Variants in LTBP2 observed in about 807,000 individuals in gnomAD.
The protein encoded by LTBP2 is latent-transforming growth factor beta-binding protein 2.
LTBP2 carries 103 observed loss-of-function variants against 210.6 expected under a neutral mutation model. The ratio of observed to expected loss-of-function variants is 0.49; its 90% CI spans 0.42 to 0.58. The LOEUF is 0.58. Ranked by LOEUF, LTBP2 falls within the 20% of genes least tolerant of loss-of-function variation. The probability of loss-of-function intolerance (pLI) is 0.00; values close to 1 mark genes in which losing one functional copy is unlikely to be tolerated. For synonymous variants in LTBP2, 1,007 were observed against 1,015.0 expected, an observed-to-expected ratio of 0.99 and a Z score of 0.15; for missense variants, 2,313 against 2,494.5, an observed-to-expected ratio of 0.93 and a Z score of 1.55.
intron 8 of LTBP2, among the ~76,000 whole-genome samples, chr14:74,542,756 C>A (rs2087524734): frequency 6.8e-6 from 1 of 147,530 alleles, no homozygotes; most frequent in Non-Finnish European, 1.5e-5. Flanking sequence ...CATTTCTTAA[C>A]CTCTCAGCCT....
At chr14:74,545,591 C>A (rs2087566601) in intron 8 of LTBP2, among the ~76,000 whole-genome samples, 1 of 152,240 alleles carries the variant, frequency 6.6e-6, no homozygotes. Context: ...CCTGTCCCAG[C>A]AAAGGGGCCT....
intron 3 of LTBP2, among the ~76,000 whole-genome samples, chr14:74,581,780 A>C (rs899584030): frequency 2.0e-4 from 30 of 152,216 alleles, no homozygotes; most frequent in African/African-American, 6.3e-4. Flanking sequence ...TTAACCTGCT[A>C]ATTTTGTGAT....
intron 34 of LTBP2, among the ~76,000 whole-genome samples, chr14:74,502,402 G>A (rs944199162): frequency 6.6e-6 from 1 of 152,186 alleles, no homozygotes; most frequent in South Asian, 2.1e-4. Context: ...CCCACAGGAA[G>A]CTTGTAGGTT....
At chr14:74,556,651 G>C (rs1357861511) in intron 3 of LTBP2, among the ~76,000 whole-genome samples, 1 of 152,188 alleles carries the variant, frequency 6.6e-6, no homozygotes, top group Non-Finnish European at 1.5e-5. Flanking sequence ...CCAGTAGCTA[G>C]GATTACAGGA....
intron 8 of LTBP2, among the ~76,000 whole-genome samples, chr14:74,540,839 T>A (rs61703276): frequency 0.49 from 8,734 of 17,654 alleles, 1,577 homozygotes; most frequent in African/African-American, 0.57. Flanking sequence ...TAATATATAT[T>A]TATATATATT....
At chr14:74,541,427 T>C (rs1386585587) in intron 8 of LTBP2, among the ~76,000 whole-genome samples, 4 of 152,184 alleles carry the variant, frequency 2.6e-5, no homozygotes, top group Non-Finnish European at 5.9e-5. Flanking sequence ...TTAATGCTCA[T>C]AAGAGCCCTT....
intron 8 of LTBP2, among the ~76,000 whole-genome samples, chr14:74,544,737 AT>A: frequency 1.3e-5 from 2 of 152,144 alleles, no homozygotes; most frequent in Middle Eastern, 6.8e-3. Flanking sequence ...TCAAAAATCA[AT>A]TTTCTTTGTC....
At chr14:74,515,718 A>T (rs1190613351) in intron 18 of LTBP2, among the ~76,000 whole-genome samples, 1 of 152,184 alleles carries the variant, frequency 6.6e-6, no homozygotes, top group Non-Finnish European at 1.5e-5. Context: ...CACAGGAGGC[A>T]CCTGTCAGTG....
intron 7 of LTBP2, 146 bp downstream of exon 7, chr14:74,550,918 T>G: frequency 9.5e-7 from 1 of 1,055,532 alleles, no homozygotes; most frequent in Non-Finnish European, 1.4e-6. Context: ...ATTTCATGCC[T>G]TGGGTTTTCC....
intron 3 of LTBP2, among the ~76,000 whole-genome samples, chr14:74,582,016 G>GT (rs1436979626): frequency 1.8e-4 from 26 of 144,766 alleles, no homozygotes; most frequent in African/African-American, 4.4e-4. Flanking sequence ...GCCTAGGGTT[G>GT]TTGTTTTTTT....
At chr14:74,558,472 A>G (rs11159089) in intron 3 of LTBP2, among the ~76,000 whole-genome samples, 56,062 of 152,172 alleles carry the variant, frequency 0.37, 12,475 homozygotes, top group Non-Finnish European at 0.51. Flanking sequence ...AGGTGGCTGA[A>G]CTGCTGGCTC....
intron 3 of LTBP2, among the ~76,000 whole-genome samples, chr14:74,565,956 TA>T (rs2139766546): frequency 6.6e-6 from 1 of 152,176 alleles, no homozygotes; most frequent in Non-Finnish European, 1.5e-5. Context: ...AGCACACGAT[TA>T]AACAAACGAA....
intron 3 of LTBP2, among the ~76,000 whole-genome samples, chr14:74,573,472 G>A (rs1055598137): frequency 3.3e-5 from 5 of 152,238 alleles, no homozygotes; most frequent in African/African-American, 1.2e-4. Context: ...GTGAGTGGAG[G>A]TGCAGATCCT....
rs1448629665 is a variant in LTBP2 at position 74,506,073 on chromosome 14, C to T, written c.4152G>A (p.Gly1384=). 1 of 1,614,054 alleles carries T rather than the reference C, an allele frequency of 6.2e-7. No individual in the cohort carries two copies. Among genetic ancestry groups the T allele is most frequent in the East Asian group, 2.2e-5 (1 of 44,896 alleles). ...CTCCAGCCCCCCGTGGGCGGCAGTG[C>T]CCCTCCTGGGCATCGTACTCCTCCA... is the stretch of plus-strand genomic sequence containing the variant. ...SDLEEYDAQE[G]HCRPRGAGGQ... is the part of the protein sequence containing the mutation. Residue 1384 remains glycine, a synonymous_variant, in exon 28 of 36, where the codon GGG becomes GGA. Coordinates refer to ENST00000261978, the MANE Select transcript of LTBP2 (RefSeq NM_000428.3).
At chr14:74,572,293 GTGTGTGTGTGTGTC>G (rs1221692478) in intron 3 of LTBP2, among the ~76,000 whole-genome samples, 7 of 148,714 alleles carry the variant, frequency 4.7e-5, no homozygotes, top group Admixed American at 2.0e-4. Context: ...GGGTGTGTGT[GTGTGTGTGTGTGTC>G]TGTGTGTGTG....
chr14:74,526,035 C>T (rs977521027), intron 14 of LTBP2, 40 bp downstream of exon 14: 6 of 1,577,938 alleles, frequency 3.8e-6, no homozygotes, highest in Middle Eastern at 1.7e-4. Context: ...CTTTCCCTCC[C>T]TTCTCTTTTG....
At chr14:74,538,473 C>A (rs1342932348) in intron 8 of LTBP2, among the ~76,000 whole-genome samples, 1 of 150,190 alleles carries the variant, frequency 6.7e-6, no homozygotes, top group Admixed American at 6.7e-5. Flanking sequence ...TTTGCAGGAG[C>A]TTTTAAGAGC....
intron 8 of LTBP2, 35 bp downstream of exon 8, chr14:74,549,828 C>A (rs373030993): frequency 6.4e-7 from 1 of 1,561,658 alleles, no homozygotes; most frequent in African/African-American, 1.4e-5. Flanking sequence ...GGAGAGCTTC[C>A]TCCACAACAC....
chr14:74,595,694 T>C (rs1016777299), intron 2 of LTBP2, among the ~76,000 whole-genome samples: 3 of 152,162 alleles, frequency 2.0e-5, no homozygotes, highest in African/African-American at 7.2e-5. Flanking sequence ...TGAAGGACAG[T>C]TTGGCCCTGC....
Sources: allele counts gnomAD v4.1 joint callset (sites outside exome capture counted in the v4.1 genomes callset), GRCh38; gene constraint gnomAD v4.1.1; transcripts MANE v1.5; gene names NCBI Gene and HGNC (gene_info 2026-07-23, HGNC 2026-07-21).